The following CC2D2B variants were observed in gnomAD, a reference collection of about 807,000 sequenced individuals.
CC2D2B encodes coiled-coil and C2 domain containing 2B, also known as protein CC2D2B.
Under a neutral mutation model 161.2 loss-of-function variants are expected in CC2D2B, and 128 were observed. That is an observed-to-expected ratio of 0.79 (90% CI 0.69 to 0.92). CC2D2B has a LOEUF of 0.92. Ranked by LOEUF, CC2D2B falls within the 40% of genes least tolerant of loss-of-function variation. CC2D2B has a pLI of 0.00. For synonymous variants in CC2D2B, 391 were observed against 449.8 expected (o/e 0.87, Z 1.65); for missense variants, 1,173 against 1,375.1 (o/e 0.85, Z 2.32).
At chr10:96,028,784 C>A (rs1454424475) in intron 34 of CC2D2B, among the ~76,000 whole-genome samples, 1 of 152,138 alleles carries the variant, frequency 6.6e-6, no homozygotes, top group Non-Finnish European at 1.5e-5. Flanking sequence ...CAATGTAGTA[C>A]AGTTCAGCCA....
chr10:95,927,346 G>A lies in CC2D2B; in HGVS notation c.336+14G>A. Reference sequence around the variant, plus strand: ...TCTTCAGAGCAGGTTGGATTTGTTTGCCTCCCTCCCACCATCTCACTCTCA... The same window carrying A: ...TCTTCAGAGCAGGTTGGATTTGTTTACCTCCCTCCCACCATCTCACTCTCA... On this transcript the variant is annotated intron_variant, in intron 6 of 34. Transcript: ENST00000646931. 7.1e-7 allele frequency: 1 copy of A among 1,408,670 alleles called. No homozygotes were observed. The highest frequency in any genetic ancestry group is 9.8e-7 in the Non-Finnish European group (1 of 1,018,226). The allele number at this position is 1,408,670 out of a possible 1,614,324, so 87.3% of individuals were successfully genotyped here. A position where few individuals can be genotyped will look rare whatever the true frequency, so the allele number is the denominator to read the frequency against.
chr10:95,965,279 T>C (rs2076899177), intron 12 of CC2D2B, among the ~76,000 whole-genome samples: 1 of 152,104 alleles, frequency 6.6e-6, no homozygotes, highest in African/African-American at 2.4e-5. Flanking sequence ...AGTACTTACT[T>C]CATAGGGTTG....
At chr10:96,027,698 A>G (rs1249021352) in intron 34 of CC2D2B, among the ~76,000 whole-genome samples, 1 of 152,222 alleles carries the variant, frequency 6.6e-6, no homozygotes, top group Non-Finnish European at 1.5e-5. Flanking sequence ...TCCTAAGCAA[A>G]AAAACCCACA....
intron 6 of CC2D2B, among the ~76,000 whole-genome samples, chr10:95,928,188 C>T (rs528748902): frequency 6.1e-4 from 93 of 151,880 alleles, no homozygotes; most frequent in African/African-American, 2.1e-3. Flanking sequence ...CATTCTGCTC[C>T]AGTCCTTTCA....
Position 95,988,292 on chromosome 10 carries a change from G to A in CC2D2B, c.2329G>A (p.Val777Ile), listed in dbSNP as rs771494385. The A allele has an allele frequency of 3.3e-6, 4 of 1,228,104 alleles. No homozygotes were observed. The highest frequency in any genetic ancestry group is 3.1e-6 in the Non-Finnish European group (3 of 982,612). The allele number at this position is 1,228,104 out of a possible 1,614,324, so 76.1% of individuals were successfully genotyped here. The change falls in exon 20 of 35, where the codon GTA (valine) becomes ATA (isoleucine). Residue 777 changes from valine to isoleucine, a missense_variant. By Grantham distance (29) the Val-to-Ile change is conservative. This residue lies in a region of CC2D2B where 277 missense variants were observed against 420.6 expected (regional missense o/e 0.66). Coordinates refer to ENST00000646931, the MANE Select transcript of CC2D2B (RefSeq NM_001349008.3). Reference protein sequence around the residue: ...QKEKEVSVSDVNSITAQRINS... With the variant: ...QKEKEVSVSDINSITAQRINS... Reference sequence around the variant, plus strand: ...AGAGAAGGAGGTATCCGTTTCAGATGTAAATTCTATTACAGCACAAAGGAT... The same window carrying A: ...AGAGAAGGAGGTATCCGTTTCAGATATAAATTCTATTACAGCACAAAGGAT...
At chr10:95,964,920 A>C (rs1453719478) in intron 12 of CC2D2B, among the ~76,000 whole-genome samples, 1 of 152,160 alleles carries the variant, frequency 6.6e-6, no homozygotes, top group Non-Finnish European at 1.5e-5. Flanking sequence ...CCTCCTAAAG[A>C]AACCATCTTC....
intron 25 of CC2D2B, among the ~76,000 whole-genome samples, chr10:96,008,030 C>A (rs955328759): frequency 1.3e-5 from 2 of 152,092 alleles, no homozygotes; most frequent in Admixed American, 1.3e-4. Context: ...AGATAATAAA[C>A]ATATCCATTA....
intron 6 of CC2D2B, among the ~76,000 whole-genome samples, chr10:95,929,539 T>C (rs2098545877): frequency 6.6e-6 from 1 of 152,242 alleles, no homozygotes; most frequent in Non-Finnish European, 1.5e-5. Flanking sequence ...GTCTTACATT[T>C]AAGTCTTTAA....
chr10:95,913,977 T>C (rs116997635), intron 2 of CC2D2B, among the ~76,000 whole-genome samples: 5,176 of 152,312 alleles, frequency 0.034, 120 homozygotes, highest in Non-Finnish European at 0.05. Context: ...GTGATCCCAT[T>C]TGTCCATTTT....
intron 6 of CC2D2B, among the ~76,000 whole-genome samples, chr10:95,930,993 C>T (rs34808276): frequency 1.3e-5 from 2 of 152,222 alleles, no homozygotes; most frequent in East Asian, 1.9e-4. Flanking sequence ...TGGTAGAATT[C>T]GGCTGTGAAT....
chr10:95,939,251 G>A (rs2075937554), intron 9 of CC2D2B, among the ~76,000 whole-genome samples: 1 of 152,066 alleles, frequency 6.6e-6, no homozygotes. Context: ...ACTCTTGTCT[G>A]TTAGTTTTAC....
intron 32 of CC2D2B, among the ~76,000 whole-genome samples, chr10:96,024,519 G>A (rs1038218158): frequency 2.6e-5 from 4 of 152,190 alleles, no homozygotes; most frequent in African/African-American, 9.7e-5. Flanking sequence ...ACTTCACCAA[G>A]GTCACAGTGG....
At chr10:95,985,753 C>T (rs1029006250) in intron 19 of CC2D2B, among the ~76,000 whole-genome samples, 4 of 152,128 alleles carry the variant, frequency 2.6e-5, no homozygotes, top group Admixed American at 2.6e-4. Flanking sequence ...CTGTCAAAAG[C>T]AAATAGGAGA....
chr10:96,024,118 GA>G (rs769618608), intron 32 of CC2D2B, among the ~76,000 whole-genome samples: 7 of 152,210 alleles, frequency 4.6e-5, no homozygotes, highest in Non-Finnish European at 8.8e-5. Context: ...GGTTGGCAAG[GA>G]ACTTGAGAAG....
intron 25 of CC2D2B, among the ~76,000 whole-genome samples, chr10:96,006,303 G>C (rs2078746265): frequency 6.7e-6 from 1 of 148,794 alleles, no homozygotes; most frequent in Admixed American, 6.7e-5. Flanking sequence ...TTTATATTTA[G>C]TGACTTATTT....
intron 24 of CC2D2B, among the ~76,000 whole-genome samples, chr10:96,003,586 TTGTGTGTGTGTGTGTGTGTGTG>T (rs68085058): frequency 2.4e-5 from 3 of 127,654 alleles, no homozygotes; most frequent in South Asian, 2.7e-4. Flanking sequence ...GCCCGGCTAA[TTGTGTGTGTGTGTGTGTGTGTG>T]TGTGTGTGTG....
intron 33 of CC2D2B, among the ~76,000 whole-genome samples, chr10:96,025,168 T>TATAAAAAAAAAAAAAA (rs2079658721): frequency 2.4e-4 from 3 of 12,514 alleles, no homozygotes; most frequent in African/African-American, 1.4e-3. Context: ...TATATATATA[T>TATAAAAAAAAAAAAAA]ATATATATAT....
chr10:95,926,118 T>C (rs1209448404), intron 5 of CC2D2B, among the ~76,000 whole-genome samples: 1 of 152,202 alleles, frequency 6.6e-6, no homozygotes, highest in African/African-American at 2.4e-5. Context: ...AAAAGTGATG[T>C]TTATGTGCAT....
intron 10 of CC2D2B, among the ~76,000 whole-genome samples, chr10:95,954,064 C>G (rs1013130457): frequency 3.3e-5 from 5 of 152,090 alleles, no homozygotes; most frequent in African/African-American, 9.7e-5. Context: ...AATGATTGAG[C>G]AATTGAACAA....
Sources: gnomAD v4.1 joint callset for allele counts (sites outside exome capture counted in the v4.1 genomes callset) on GRCh38, gnomAD v4.1.1 for gene constraint, gnomAD v4.1.1 regional missense constraint, MANE v1.5 for transcripts, NCBI Gene and HGNC (gene_info 2026-07-23, HGNC 2026-07-21) for gene names.